Variants in UPP2 observed in about 807,000 individuals in gnomAD.
UPP2 encodes the protein UPase 2.
Under a neutral mutation model 26.7 loss-of-function variants are expected in UPP2, and 23 were observed. The observed-to-expected ratio is 0.86, with a 90% CI of 0.62 to 1.22. The LOEUF is 1.22. Ranked by LOEUF, UPP2 falls within the 50% of genes most tolerant of loss-of-function variation. The pLI, the probability that UPP2 is intolerant of heterozygous loss-of-function variation, is 0.00. For missense variants in UPP2, 387 were observed against 396.7 expected, an observed-to-expected ratio of 0.98 and a Z score of 0.21; for synonymous variants, 127 against 141.3, an observed-to-expected ratio of 0.90 and a Z score of 0.72.
intron 5 of UPP2, among the ~76,000 whole-genome samples, chr2:158,122,179 G>A (rs1469529518): frequency 1.1e-4 from 17 of 151,892 alleles, no homozygotes; most frequent in Admixed American, 1.1e-3. Flanking sequence ...AGGGCCAAGG[G>A]GAAGAAACCT....
At chr2:158,115,665 T>C (rs1683414575) in intron 3 of UPP2, among the ~76,000 whole-genome samples, 2 of 152,354 alleles carry the variant, frequency 1.3e-5, no homozygotes, top group South Asian at 2.1e-4. Context: ...ATAAGCTCGC[T>C]GAAAAGCTGC....
upstream of UPP2, among the ~76,000 whole-genome samples, chr2:158,098,055 C>T (rs923292183): frequency 1.3e-5 from 2 of 152,000 alleles, no homozygotes; most frequent in African/African-American, 2.4e-5. Context: ...TTTATACTGT[C>T]ATTAACACAA....
intron 3 of UPP2, among the ~76,000 whole-genome samples, chr2:158,077,369 A>G (rs1682646534): frequency 6.6e-6 from 1 of 152,198 alleles, no homozygotes. Flanking sequence ...AACTGGAGGA[A>G]TCACATTACC....
rs1199272891 is a variant in UPP2, at chr2:158,000,002, A to G, written c.61+4743A>G. On this transcript the variant is annotated intron_variant, in intron 2 of 9. Transcript: ENST00000605860. ...TCAAAAGTTATTAAAACTTTTCAAA[A>G]TAAGTATTAATGTAAGAATGGTAGA... Among the ~76,000 whole-genome samples the G allele has an allele frequency of 2.0e-5, 3 of 152,166 alleles. 1 individual carries two copies. Among genetic ancestry groups the G allele is most frequent in the Middle Eastern group, 6.3e-3 (2 of 316 alleles).
At chr2:158,118,608 T>C (rs758421794) in intron 4 of UPP2, among the ~76,000 whole-genome samples, 3 of 151,972 alleles carry the variant, frequency 2.0e-5, no homozygotes, top group Non-Finnish European at 4.4e-5. Context: ...AGCTTTTTCT[T>C]AAGGAGCACA....
intron 2 of UPP2, among the ~76,000 whole-genome samples, chr2:158,110,178 G>A (rs369974420): frequency 6.6e-6 from 1 of 151,892 alleles, no homozygotes; most frequent in Non-Finnish European, 1.5e-5. Context: ...TGACAGGCCC[G>A]AGTGTGTGAT....
intron 3 of UPP2, among the ~76,000 whole-genome samples, chr2:158,068,798 ATATATTTTTTTTTTTTTT>A (rs1483110352): frequency 5.8e-5 from 1 of 17,102 alleles, no homozygotes; most frequent in East Asian, 1.4e-3. Context: ...ATATATATAT[ATATATTTTTTTTTTTTTT>A]TTTTTTTTTT....
chr2:158,111,458 A>G (rs550583993), intron 2 of UPP2, among the ~76,000 whole-genome samples: 304 of 152,154 alleles, frequency 2.0e-3, no homozygotes, highest in African/African-American at 6.2e-3. Flanking sequence ...TTTACTTTTA[A>G]TCTGCCTGTA....
intron 6 of UPP2, among the ~76,000 whole-genome samples, chr2:158,131,485 T>C (rs761843783): frequency 5.9e-5 from 9 of 152,130 alleles, no homozygotes; most frequent in Non-Finnish European, 7.4e-5. Flanking sequence ...TTGGCAGATG[T>C]GTATTTTTGT....
At chr2:158,091,778 C>T (rs577360652) in intron 3 of UPP2, among the ~76,000 whole-genome samples, 1 of 152,172 alleles carries the variant, frequency 6.6e-6, no homozygotes, top group Non-Finnish European at 1.5e-5. Flanking sequence ...AGCAGACTAC[C>T]CTGGGCATGT....
chr2:158,130,573 A>G lies in UPP2; in HGVS notation c.812-4175A>G, dbSNP rs181334788. Among the ~76,000 whole-genome samples the G allele has an allele frequency of 3.5e-4, 53 of 152,308 alleles. No homozygotes were observed. The East Asian group carries it at 9.1e-3, about 26-fold the overall frequency. On this transcript the variant is annotated intron_variant, in intron 6 of 6. Transcript: ENST00000005756. Reference sequence around the variant, plus strand: ...TTAAACTTAAATGAAATTATCAGCTATATTATAATGGGCAGTGTCGTTGAT... The same window carrying G: ...TTAAACTTAAATGAAATTATCAGCTGTATTATAATGGGCAGTGTCGTTGAT...
intron 3 of UPP2, among the ~76,000 whole-genome samples, chr2:158,068,802 A>AT (rs70990633): frequency 6.3e-4 from 12 of 18,898 alleles, no homozygotes; most frequent in South Asian, 4.0e-3. Context: ...ATATATATAT[A>AT]TTTTTTTTTT....
chr2:158,127,872 T>C, intron 6 of UPP2: 1 of 394,626 alleles, frequency 2.5e-6, no homozygotes, highest in Non-Finnish European at 3.4e-6. Context: ...TTCAGCATAA[T>C]GTAAACCTGT....
intron 3 of UPP2, among the ~76,000 whole-genome samples, chr2:158,037,373 CA>C (rs998161015): frequency 6.7e-6 from 1 of 150,088 alleles, no homozygotes; most frequent in African/African-American, 2.5e-5. Flanking sequence ...GAGACTGTCT[CA>C]AAAAAAAGAA....
At chr2:158,025,020 G>A (rs1224106107) in intron 3 of UPP2, among the ~76,000 whole-genome samples, 1 of 151,984 alleles carries the variant, frequency 6.6e-6, no homozygotes, top group African/African-American at 2.4e-5. Context: ...TGGACAACAT[G>A]GTGAAACCCC....
At chr2:158,058,982 G>A (rs2105177374) in intron 3 of UPP2, among the ~76,000 whole-genome samples, 1 of 152,296 alleles carries the variant, frequency 6.6e-6, no homozygotes, top group South Asian at 2.1e-4. Flanking sequence ...GAAGAGAGAT[G>A]AGTGAAGGGA....
chr2:158,015,912 C>A, intron 3 of UPP2: 1 of 425,852 alleles, frequency 2.3e-6, no homozygotes. Context: ...CTCTTTTGTT[C>A]ATAAATTACC....
intron 3 of UPP2, among the ~76,000 whole-genome samples, chr2:158,077,118 G>T (rs1682642429): frequency 1.3e-5 from 2 of 151,866 alleles, no homozygotes; most frequent in African/African-American, 4.8e-5. Context: ...AGAAGTAAAA[G>T]ATCTCTATAA....
intron 3 of UPP2, among the ~76,000 whole-genome samples, chr2:158,086,655 C>G (rs1682822789): frequency 6.6e-6 from 1 of 151,986 alleles, no homozygotes; most frequent in African/African-American, 2.4e-5. Context: ...TTATCACCAC[C>G]TTTGCTGTAT....
Sources: allele counts gnomAD v4.1 joint callset (sites outside exome capture counted in the v4.1 genomes callset), GRCh38; gene constraint gnomAD v4.1.1; transcripts MANE v1.5; gene names NCBI Gene and HGNC (gene_info 2026-07-23, HGNC 2026-07-21).